Variants in KCNH5 observed in about 807,000 individuals in gnomAD.
KCNH5 encodes voltage-gated delayed rectifier potassium channel KCNH5.
In KCNH5, 46 loss-of-function variants were observed where a neutral mutation model predicts 96.1. The observed-to-expected ratio is 0.48, with a 90% CI of 0.38 to 0.61. The LOEUF is 0.61. Ranked by LOEUF, KCNH5 falls within the 20% of genes least tolerant of loss-of-function variation. The probability of loss-of-function intolerance (pLI) is 0.00; values close to 1 mark genes in which losing one functional copy is unlikely to be tolerated. For synonymous variants in KCNH5, 439 were observed against 449.8 expected (o/e 0.98, Z 0.30); for missense variants, 907 against 1,225.8 (o/e 0.74, Z 3.88).
rs565728876 is a variant in KCNH5, at chr14:62,913,314, G to A, written c.1369+36819C>T. 6.6e-5 allele frequency among the ~76,000 whole-genome samples: 10 copies of A among 151,962 alleles called. No homozygotes were observed. The South Asian group carries it at 1.0e-3, about 16-fold the overall frequency. ...GCGATCTCGGCTCACTGCAACGTCC[G>A]CCTCCCAGGTTCAAGCAATTCTCCT... On this transcript the variant is annotated intron_variant, in intron 7 of 10. Coordinates refer to ENST00000322893, the MANE Select transcript of KCNH5 (RefSeq NM_139318.5).
At chr14:62,823,811 A>T (rs1342304271) in intron 8 of KCNH5, among the ~76,000 whole-genome samples, 1 of 151,966 alleles carries the variant, frequency 6.6e-6, no homozygotes, top group Non-Finnish European at 1.5e-5. Context: ...ACATTTATGC[A>T]TCCCTGCTTG....
chr14:62,858,669 A>C (rs1887976063), intron 7 of KCNH5, among the ~76,000 whole-genome samples: 1 of 152,122 alleles, frequency 6.6e-6, no homozygotes, highest in Non-Finnish European at 1.5e-5. Flanking sequence ...CAGGAACAGG[A>C]AGTGAAAATT....
intron 10 of KCNH5, among the ~76,000 whole-genome samples, chr14:62,744,561 T>C (rs1885336262): frequency 6.6e-6 from 1 of 152,180 alleles, no homozygotes; most frequent in East Asian, 1.9e-4. Context: ...TGTAAAAACA[T>C]TGAGCACCTA....
At chr14:62,981,821 G>C (rs376312183) in intron 5 of KCNH5, among the ~76,000 whole-genome samples, 3 of 152,272 alleles carry the variant, frequency 2.0e-5, no homozygotes, top group Admixed American at 2.0e-4. Flanking sequence ...TGGACTTAAA[G>C]AATATTGTGT....
intron 7 of KCNH5, among the ~76,000 whole-genome samples, chr14:62,937,859 G>T (rs1889714380): frequency 6.6e-6 from 1 of 152,120 alleles, no homozygotes; most frequent in Non-Finnish European, 1.5e-5. Context: ...TGCCTGGGGA[G>T]GAGGGTCTGC....
At chr14:62,782,949 T>C (rs1410995927) in intron 9 of KCNH5, among the ~76,000 whole-genome samples, 1 of 152,226 alleles carries the variant, frequency 6.6e-6, no homozygotes, top group African/African-American at 2.4e-5. Context: ...ATCCCAATTA[T>C]AGGCATTTAT....
At chr14:62,848,175 G>A (rs1016977740) in intron 8 of KCNH5, among the ~76,000 whole-genome samples, 3 of 152,174 alleles carry the variant, frequency 2.0e-5, no homozygotes, top group African/African-American at 7.2e-5. Flanking sequence ...TTCTTGCTGA[G>A]ATAGTGATTG....
chr14:62,871,879 G>A (rs1566689141), intron 7 of KCNH5, among the ~76,000 whole-genome samples: 1 of 152,220 alleles, frequency 6.6e-6, no homozygotes, highest in East Asian at 1.9e-4. Context: ...TAGGTAATTT[G>A]TATGAAAATC....
intron 10 of KCNH5, among the ~76,000 whole-genome samples, chr14:62,738,825 T>C (rs1885212999): frequency 6.6e-6 from 1 of 152,102 alleles, no homozygotes; most frequent in Admixed American, 6.6e-5. Context: ...TATGCCTCAA[T>C]ACAAATTAGA....
At chr14:62,765,417 C>T (rs2139960251) in intron 10 of KCNH5, among the ~76,000 whole-genome samples, 1 of 152,156 alleles carries the variant, frequency 6.6e-6, no homozygotes, top group African/African-American at 2.4e-5. Flanking sequence ...ACTATAAATC[C>T]CTAGATGAAA....
chr14:62,959,913 C>T lies in KCNH5; in HGVS notation c.943-9354G>A, dbSNP rs547652264. ...AGGCATTTGTTTAAACCTATTCAAT[C>T]TGTTCTGAACACTGCATAAGAGTTA... On this transcript the variant is annotated intron_variant, in intron 6 of 10. Coordinates refer to ENST00000322893, the MANE Select transcript of KCNH5 (RefSeq NM_139318.5). 3.3e-5 allele frequency among the ~76,000 whole-genome samples: 5 copies of T among 152,248 alleles called. No homozygotes were observed. The South Asian group carries it at 1.0e-3, about 32-fold the overall frequency.
At chr14:62,817,824 T>G (rs1159572900) in intron 8 of KCNH5, among the ~76,000 whole-genome samples, 1 of 145,396 alleles carries the variant, frequency 6.9e-6, no homozygotes, top group Non-Finnish European at 1.5e-5. Flanking sequence ...ATATTATATA[T>G]ATTATATATA....
intron 10 of KCNH5, among the ~76,000 whole-genome samples, chr14:62,769,020 G>T (rs1459963760): frequency 6.6e-6 from 1 of 152,232 alleles, no homozygotes; most frequent in Non-Finnish European, 1.5e-5. Flanking sequence ...AAATGCACAT[G>T]ACAAACTTCA....
At chr14:62,719,905 A>G (rs1194609793) in intron 10 of KCNH5, among the ~76,000 whole-genome samples, 1 of 152,244 alleles carries the variant, frequency 6.6e-6, no homozygotes, top group Non-Finnish European at 1.5e-5. Flanking sequence ...AGATATTTAC[A>G]TTACGGATAT....
At chr14:62,822,668 GA>G (rs60393982) in intron 8 of KCNH5, among the ~76,000 whole-genome samples, 319 of 135,420 alleles carry the variant, frequency 2.4e-3, no homozygotes, top group Middle Eastern at 3.8e-3. Context: ...TACGTAAAAT[GA>G]AAAAAAAAAA....
intron 10 of KCNH5, among the ~76,000 whole-genome samples, chr14:62,761,863 G>A (rs546325804): frequency 2.6e-5 from 4 of 152,240 alleles, no homozygotes; most frequent in African/African-American, 7.2e-5. Context: ...TTCGAAGGAT[G>A]GCATTGAGAA....
intron 7 of KCNH5, among the ~76,000 whole-genome samples, chr14:62,947,934 G>T (rs1004775701): frequency 6.6e-6 from 1 of 151,670 alleles, no homozygotes; most frequent in Non-Finnish European, 1.5e-5. Flanking sequence ...CCACTAACTC[G>T]TCATCTAGCA....
At chr14:62,933,251 A>C (rs1426036959) in intron 7 of KCNH5, among the ~76,000 whole-genome samples, 1 of 152,182 alleles carries the variant, frequency 6.6e-6, no homozygotes, top group Non-Finnish European at 1.5e-5. Context: ...TAAGAAACTA[A>C]GAAAAAAAAT....
intron 10 of KCNH5, chr14:62,712,709 A>T (rs778202458): frequency 1.3e-6 from 1 of 779,148 alleles, no homozygotes; most frequent in Non-Finnish European, 2.4e-6. Flanking sequence ...TGCCATGGAG[A>T]ACCATCCCTG....
Sources: allele counts gnomAD v4.1 joint callset (sites outside exome capture counted in the v4.1 genomes callset), GRCh38; gene constraint gnomAD v4.1.1; transcripts MANE v1.5; gene names NCBI Gene and HGNC (gene_info 2026-07-23, HGNC 2026-07-21).